The following TIAM2 variants were observed in gnomAD, a reference collection of about 807,000 sequenced individuals.
TIAM2 encodes rho guanine nucleotide exchange factor TIAM2.
A neutral mutation model predicts 152.9 loss-of-function variants in TIAM2; 80 were observed. The ratio of observed to expected loss-of-function variants is 0.52; its 90% CI spans 0.44 to 0.63. The LOEUF is 0.63. Among genes scored for constraint, TIAM2 ranks in the 30% least tolerant of loss-of-function variants. The probability of loss-of-function intolerance (pLI) is 0.00; values close to 1 mark genes in which losing one functional copy is unlikely to be tolerated. For synonymous variants in TIAM2, 804 were observed against 838.0 expected (o/e 0.96, Z 0.70); for missense variants, 1,965 against 2,120.1 (o/e 0.93, Z 1.44).
chr6:155,035,206 C>T (rs573132133), intron 1 of TIAM2, among the ~76,000 whole-genome samples: 21 of 147,952 alleles, frequency 1.4e-4, no homozygotes, highest in East Asian at 6.0e-4. Context: ...TTTTATTCTT[C>T]GCCTTACATG....
At chr6:155,164,134 T>TTTTTTG (rs1491550399) in intron 7 of TIAM2, among the ~76,000 whole-genome samples, 2 of 22,860 alleles carry the variant, frequency 8.7e-5, no homozygotes, top group Non-Finnish European at 2.5e-4. Context: ...AATTTTTGTG[T>TTTTTTG]TTTTTTTTTT....
At chr6:155,134,442 T>C (rs1366414247) in intron 4 of TIAM2, among the ~76,000 whole-genome samples, 1 of 137,862 alleles carries the variant, frequency 7.3e-6, no homozygotes, top group East Asian at 2.4e-4. Context: ...TTTGCTATGG[T>C]TAAACATTTA....
intron 1 of TIAM2, among the ~76,000 whole-genome samples, chr6:155,041,676 A>C (rs1562298314): frequency 1.3e-5 from 2 of 152,192 alleles, no homozygotes; most frequent in Non-Finnish European, 2.9e-5. Context: ...GAACTTTATT[A>C]CCTGTGAATA....
chr6:154,998,991 A>G (rs964207004), intron 1 of TIAM2, among the ~76,000 whole-genome samples: 40 of 152,310 alleles, frequency 2.6e-4, no homozygotes, highest in African/African-American at 9.1e-4. Flanking sequence ...GCATGTGATA[A>G]ATATTTGCTG....
At chr6:155,021,631 C>T (rs1776495840) in intron 1 of TIAM2, among the ~76,000 whole-genome samples, 1 of 152,168 alleles carries the variant, frequency 6.6e-6, no homozygotes, top group Non-Finnish European at 1.5e-5. Flanking sequence ...ATTTTACATT[C>T]CAATCAACCG....
At chr6:155,204,924 G>A (rs1406705925) in intron 14 of TIAM2, among the ~76,000 whole-genome samples, 1 of 152,080 alleles carries the variant, frequency 6.6e-6, no homozygotes. Flanking sequence ...TGGTGATTCT[G>A]ATTCCAGGAT....
At position 155,213,339 on chromosome 6, in the gene TIAM2, T is replaced by A. The variant is rs1781766992; in HGVS notation, c.3168+2032T>A. On this transcript the variant is annotated intron_variant, in intron 15 of 26. Coordinates refer to ENST00000682666, the MANE Select transcript of TIAM2 (RefSeq NM_012454.4). This position sits in a 1 kb window ranked among gnomAD's most constrained non-coding sequence, Gnocchi z 4.2. ...CTGGTTGTCCCATAGAGTGTTCACC[T>A]CTCAGCAGAGAGCAGACCCTGGAGT... is the stretch of plus-strand genomic sequence containing the variant. 6.6e-6 allele frequency among the ~76,000 whole-genome samples: 1 copy of A among 152,132 alleles called. No homozygotes were observed. Among genetic ancestry groups the A allele is most frequent in the Admixed American group, 6.5e-5 (1 of 15,276 alleles).
chr6:155,160,348 C>T (rs1210487550), intron 7 of TIAM2, among the ~76,000 whole-genome samples: 1 of 152,182 alleles, frequency 6.6e-6, no homozygotes, highest in Non-Finnish European at 1.5e-5. Flanking sequence ...TTTTTGTCCT[C>T]TTCAGGTGGT....
rs1298707633 is a variant in TIAM2, at chr6:155,129,919, C to T, written c.696C>T (p.Asp232=). 2 of 1,613,994 alleles carry T rather than the reference C, an allele frequency of 1.2e-6. No individual in the cohort carries two copies. The highest frequency in any genetic ancestry group is 2.2e-5 in the East Asian group (1 of 44,876). ...SLPSHRPSPT[D]SRLRSSKGSS... ...CCAGCCATCGCCCCTCTCCCACGGA[C>T]TCTCGCCTGCGGTCCAGCAAAGGCA... The change falls in exon 4 of 27, where the codon GAC becomes GAT. Residue 232 remains aspartate (D), a synonymous_variant. Transcript: ENST00000682666. The surrounding 1 kb of genome is among the most constrained non-coding windows in gnomAD (Gnocchi z 4.8).
intron 24 of TIAM2, 133 bp downstream of exon 24, chr6:155,253,186 A>G (rs189786755): frequency 1.2e-5 from 9 of 741,626 alleles, no homozygotes; most frequent in Admixed American, 4.9e-5. Context: ...TGAGGACAAG[A>G]GAGGTTGTTT....
At chr6:155,106,649 C>G (rs1778695776) in intron 2 of TIAM2, among the ~76,000 whole-genome samples, 1 of 152,272 alleles carries the variant, frequency 6.6e-6, no homozygotes, top group South Asian at 2.1e-4. Context: ...GCTCTAAATG[C>G]AAGGATGGTA....
At chr6:155,068,220 G>A (rs2114949127) in intron 1 of TIAM2, among the ~76,000 whole-genome samples, 1 of 152,142 alleles carries the variant, frequency 6.6e-6, no homozygotes, top group African/African-American at 2.4e-5. Flanking sequence ...TGTGTCTCCT[G>A]GCCTTCTGCC....
intron 15 of TIAM2, among the ~76,000 whole-genome samples, chr6:155,237,776 C>A (rs897953268): frequency 6.6e-6 from 1 of 152,196 alleles, no homozygotes; most frequent in African/African-American, 2.4e-5. Context: ...CTCAGGGCAC[C>A]AATTCCCTGG....
intron 15 of TIAM2, among the ~76,000 whole-genome samples, chr6:155,216,193 C>T (rs937936871): frequency 1.2e-4 from 19 of 152,070 alleles, no homozygotes; most frequent in Non-Finnish European, 2.6e-4. Flanking sequence ...GGACTCCCCC[C>T]GCCCCACCCC....
At chr6:155,092,519 G>A (rs1407437009) in intron 2 of TIAM2, among the ~76,000 whole-genome samples, 1 of 151,958 alleles carries the variant, frequency 6.6e-6, no homozygotes. Flanking sequence ...AATTTCTGCT[G>A]TTTTATTTAG....
In TIAM2 at chr6:155,214,365, CCT is replaced by C. The variant is rs1405989981; in HGVS notation, c.3168+3059_3168+3060del. 6.6e-6 allele frequency among the ~76,000 whole-genome samples: 1 copy of C among 152,172 alleles called. No individual in the cohort carries two copies. Among genetic ancestry groups the C allele is most frequent in the Non-Finnish European group, 1.5e-5 (1 of 68,034 alleles). ...TACCTTTTGGGGGTTGGTGACATCC[CCT>C]GTGTGTGAGGGACCAGGTTAGAGCC... On this transcript the variant is annotated intron_variant, in intron 15 of 26. Coordinates refer to ENST00000682666, the MANE Select transcript of TIAM2 (RefSeq NM_012454.4). The surrounding 1 kb of genome is among the most constrained non-coding windows in gnomAD (Gnocchi z 5.4).
At chr6:155,172,684 ATATTT>A (rs1780651427) in intron 9 of TIAM2, among the ~76,000 whole-genome samples, 1 of 13,724 alleles carries the variant, frequency 7.3e-5, no homozygotes, top group African/African-American at 3.0e-4. Flanking sequence ...ATATATATAT[ATATTT>A]TTTTTTTTTT....
intron 9 of TIAM2, among the ~76,000 whole-genome samples, chr6:155,173,592 T>A (rs60539482): frequency 1.3e-5 from 2 of 152,180 alleles, no homozygotes; most frequent in African/African-American, 4.8e-5. Flanking sequence ...CGTTTACCCT[T>A]CTGCCTGTAA....
chr6:155,256,492 A>G lies in TIAM2; in HGVS notation c.4477A>G (p.Arg1493Gly). Residue 1493 changes from arginine (R) to glycine (G), a missense_variant, in exon 27 of 27, where the codon AGG becomes GGG. By Grantham distance (125) the Arg-to-Gly change is moderately radical (BLOSUM62 -2). Coordinates refer to ENST00000682666, the MANE Select transcript of TIAM2 (RefSeq NM_012454.4). ...TGTTTTTCTCACTGTAGCTTCATCC[A>G]GGTCTTTAAAAGTCCTGAAGAATTC... ...VPVSAKLASS[R>G]SLKVLKNSSS... 1.2e-6 allele frequency: 2 copies of G among 1,614,172 alleles called. No individual in the cohort carries two copies. Among genetic ancestry groups the G allele is most frequent in the Non-Finnish European group, 1.7e-6 (2 of 1,180,038 alleles).
Sources: allele counts gnomAD v4.1 joint callset (sites outside exome capture counted in the v4.1 genomes callset), GRCh38; gene constraint gnomAD v4.1.1; non-coding constraint Gnocchi (gnomAD v3.1); transcripts MANE v1.5; gene names NCBI Gene and HGNC (gene_info 2026-07-23, HGNC 2026-07-21).